Variants in DSCAM observed in about 807,000 individuals in gnomAD.
DSCAM encodes DS cell adhesion molecule.
Under a neutral mutation model 217.7 loss-of-function variants are expected in DSCAM, and 47 were observed. The observed-to-expected ratio is 0.22, with a 90% CI of 0.17 to 0.28. The LOEUF (loss-of-function observed/expected upper bound fraction) is 0.28. Ranked by LOEUF, DSCAM falls within the 10% of genes least tolerant of loss-of-function variation. The pLI is 1.00. For synonymous variants in DSCAM, 1,056 were observed against 1,015.3 expected, an observed-to-expected ratio of 1.04 and a Z score of -0.76; for missense variants, 2,080 against 2,618.3, an observed-to-expected ratio of 0.79 and a Z score of 4.49.
chr21:40,326,310 C>A (rs2074316450), intron 8 of DSCAM, among the ~76,000 whole-genome samples: 1 of 152,192 alleles, frequency 6.6e-6, no homozygotes, highest in African/African-American at 2.4e-5. Context: ...TGGGCTGCAA[C>A]TAGGCGTTCT....
At chr21:40,830,802 T>C (rs1228082131) in intron 1 of DSCAM, among the ~76,000 whole-genome samples, 1 of 152,264 alleles carries the variant, frequency 6.6e-6, no homozygotes, top group Non-Finnish European at 1.5e-5. Context: ...TAGCAATTAC[T>C]ATAAACAGGT....
intron 9 of DSCAM, among the ~76,000 whole-genome samples, chr21:40,311,742 T>C (rs1837899920): frequency 6.6e-6 from 1 of 152,124 alleles, no homozygotes; most frequent in African/African-American, 2.4e-5. Flanking sequence ...AAATATTATA[T>C]GAATACAATA....
chr21:40,621,483 G>A (rs1601797252), intron 3 of DSCAM: 1 of 152,088 alleles, frequency 6.6e-6, no homozygotes, highest in South Asian at 2.1e-4. Context: ...AGGATCACTG[G>A]TTCAAAGCTC....
intron 3 of DSCAM, among the ~76,000 whole-genome samples, chr21:40,415,483 C>T (rs374844170): frequency 2.0e-5 from 3 of 152,350 alleles, no homozygotes; most frequent in South Asian, 2.1e-4. Flanking sequence ...TCTGGATGGT[C>T]ACTGTGCAAG....
chr21:40,072,350 C>CTTTTT (rs3069680), intron 27 of DSCAM, among the ~76,000 whole-genome samples: 1 of 141,464 alleles, frequency 7.1e-6, no homozygotes, highest in African/African-American at 2.6e-5. Context: ...CTGTCAGATT[C>CTTTTT]TTTTTTTTTT....
intron 11 of DSCAM, among the ~76,000 whole-genome samples, chr21:40,251,458 C>T (rs1037341277): frequency 6.6e-6 from 1 of 152,098 alleles, no homozygotes; most frequent in Non-Finnish European, 1.5e-5. Flanking sequence ...TAGATCAGAC[C>T]TGTTGAGGTA....
At chr21:40,735,798 G>A (rs1487606947) in intron 1 of DSCAM, among the ~76,000 whole-genome samples, 1 of 152,146 alleles carries the variant, frequency 6.6e-6, no homozygotes, top group East Asian at 1.9e-4. Flanking sequence ...GATACCAAAT[G>A]GGCAGACTTT....
intron 6 of DSCAM, among the ~76,000 whole-genome samples, chr21:40,344,808 T>C (rs1024225943): frequency 1.3e-5 from 2 of 152,208 alleles, no homozygotes; most frequent in South Asian, 2.1e-4. Context: ...CTTACTTTTA[T>C]ACCAAAGTCG....
chr21:40,679,552 G>A (rs2090377359), intron 3 of DSCAM, among the ~76,000 whole-genome samples: 1 of 152,150 alleles, frequency 6.6e-6, no homozygotes, highest in South Asian at 2.1e-4. Context: ...ACATGTGCAT[G>A]CCATAGAATT....
At chr21:40,044,313 A>C (rs2088808097) in intron 30 of DSCAM, 38 bp from the exon 31 acceptor site, 1 of 1,590,966 alleles carries the variant, frequency 6.3e-7, no homozygotes, top group African/African-American at 1.3e-5. Flanking sequence ...CTTTGTCTGC[A>C]GGAGTGTGGT....
chr21:40,466,346 G>A (rs1309891105), intron 3 of DSCAM, among the ~76,000 whole-genome samples: 1 of 152,108 alleles, frequency 6.6e-6, no homozygotes, highest in Non-Finnish European at 1.5e-5. Flanking sequence ...GCCATCAACA[G>A]TTCCTACCTG....
intron 1 of DSCAM, among the ~76,000 whole-genome samples, chr21:40,756,494 T>G (rs984734692): frequency 4.6e-5 from 7 of 152,098 alleles, no homozygotes; most frequent in African/African-American, 1.7e-4. Context: ...CAGGTTCAAG[T>G]GATTGTCCTG....
chr21:40,730,463 CAA>C (rs1385979104), intron 1 of DSCAM, among the ~76,000 whole-genome samples: 2 of 152,164 alleles, frequency 1.3e-5, no homozygotes, highest in Admixed American at 6.5e-5. Flanking sequence ...CGCAGATTTC[CAA>C]GAGAGAGTGT....
At chr21:40,286,301 A>AG (rs1243178375) in intron 10 of DSCAM, among the ~76,000 whole-genome samples, 1 of 152,214 alleles carries the variant, frequency 6.6e-6, no homozygotes, top group Non-Finnish European at 1.5e-5. Context: ...GTCTGAGCAA[A>AG]GCCTGTGGAA....
intron 1 of DSCAM, among the ~76,000 whole-genome samples, chr21:40,809,070 G>A (rs900581162): frequency 6.6e-6 from 1 of 152,054 alleles, no homozygotes; most frequent in Admixed American, 6.6e-5. Context: ...CCCTTGTCCT[G>A]ACTGTTAGGG....
chr21:40,285,054 CT>C (rs557792338), intron 10 of DSCAM, among the ~76,000 whole-genome samples: 51 of 151,696 alleles, frequency 3.4e-4, no homozygotes, highest in African/African-American at 1.1e-3. Context: ...CATAAGAATC[CT>C]TTTTTTTTAA....
At chr21:40,388,204 T>C (rs986214909) in intron 3 of DSCAM, among the ~76,000 whole-genome samples, 2 of 152,136 alleles carry the variant, frequency 1.3e-5, no homozygotes, top group Non-Finnish European at 2.9e-5. Flanking sequence ...AGAAAAGAAA[T>C]TGTACTCAAT....
At position 40,179,835 on chromosome 21, in the gene DSCAM, A is replaced by G. The variant is rs73362198; in HGVS notation, c.2780-741T>C. Among the ~76,000 whole-genome samples, 1,159 of 152,336 alleles carry G rather than the reference A, an allele frequency of 7.6e-3. 21 individuals are homozygous for G. The highest frequency in any genetic ancestry group is 0.027 in the African/African-American group (1,103 of 41,572). On this transcript the variant is annotated intron_variant, in intron 14 of 32. Coordinates refer to ENST00000400454, the MANE Select transcript of DSCAM (RefSeq NM_001389.5). Reference sequence around the variant, plus strand: ...TTTCAGGCTTCAAGCAAGGATGAGAATGTCAATACGTGGTTCTTATATCAA... The same window carrying G: ...TTTCAGGCTTCAAGCAAGGATGAGAGTGTCAATACGTGGTTCTTATATCAA...
At chr21:40,435,300 T>G (rs553258030) in intron 3 of DSCAM, among the ~76,000 whole-genome samples, 49 of 152,338 alleles carry the variant, frequency 3.2e-4, no homozygotes, top group Admixed American at 2.5e-3. Context: ...ATCCTTGCAT[T>G]CTTTCAACTT....
Sources: gnomAD v4.1 joint callset for allele counts (sites outside exome capture counted in the v4.1 genomes callset) on GRCh38, gnomAD v4.1.1 for gene constraint, MANE v1.5 for transcripts, NCBI Gene and HGNC (gene_info 2026-07-23, HGNC 2026-07-21) for gene names.